Variants in MYO1B observed in about 807,000 individuals in gnomAD.
The protein encoded by MYO1B is unconventional myosin-Ib.
In MYO1B, 72 loss-of-function variants were observed where a neutral mutation model predicts 159.7. That is an observed-to-expected ratio of 0.45 (90% CI 0.37 to 0.55). MYO1B has a LOEUF of 0.55. Ranked by LOEUF, MYO1B falls within the 20% of genes least tolerant of loss-of-function variation. The pLI is 0.00. For synonymous variants in MYO1B, 468 were observed against 473.8 expected (o/e 0.99, Z 0.16); for missense variants, 1,062 against 1,364.8 (o/e 0.78, Z 3.50).
intron 2 of MYO1B, among the ~76,000 whole-genome samples, chr2:191,281,950 G>A (rs1253876207): frequency 6.6e-6 from 1 of 152,132 alleles, no homozygotes; most frequent in African/African-American, 2.4e-5. Context: ...GTTGTCTTAA[G>A]TTATAGAAGT....
At chr2:191,294,522 C>T (rs751639622) in intron 2 of MYO1B, among the ~76,000 whole-genome samples, 1 of 152,202 alleles carries the variant, frequency 6.6e-6, no homozygotes, top group Non-Finnish European at 1.5e-5. Flanking sequence ...AGGCGTCTCC[C>T]ATCTGATGTT....
chr2:191,416,434 G>A, intron 30 of MYO1B, 192 bp downstream of exon 30: 2 of 626,240 alleles, frequency 3.2e-6, no homozygotes, highest in Non-Finnish European at 2.8e-6. Flanking sequence ...CATCCTAGTG[G>A]AAGAGACCAG....
At chr2:191,408,271 T>G in intron 25 of MYO1B, 82 bp downstream of exon 25, 1 of 960,206 alleles carries the variant, frequency 1.0e-6, no homozygotes, top group Non-Finnish European at 1.6e-6. Context: ...AAATGTGCCT[T>G]TTCCTAAATG....
At chr2:191,287,661 A>G (rs1359630490) in intron 2 of MYO1B, among the ~76,000 whole-genome samples, 1 of 152,214 alleles carries the variant, frequency 6.6e-6, no homozygotes, top group African/African-American at 2.4e-5. Context: ...ACATTGAAGA[A>G]TTATTATTAT....
chr2:191,414,058 C>G lies in MYO1B; in HGVS notation c.2884C>G (p.Pro962Ala). Residue 962 changes from proline to alanine, a missense_variant, in exon 28 of 31, where the codon CCA becomes GCA. Pro to Ala is a conservative substitution (Grantham distance 27). This residue lies in a region of MYO1B where 609 missense variants were observed against 744.4 expected (regional missense o/e 0.82). Coordinates refer to ENST00000392318, the MANE Select transcript of MYO1B (RefSeq NM_001130158.3). The part of the protein sequence containing the change: ...KALYPSSVGQ[P>A]FQGAYLEINK... ...ATTTTTTTCCTTTAGTGTTGGGCAACCATTCCAAGGGGCTTACCTGGAAAT... is the reference window on the plus strand; with the variant it reads ...ATTTTTTTCCTTTAGTGTTGGGCAAGCATTCCAAGGGGCTTACCTGGAAAT... 1 of 1,602,168 alleles carries G rather than the reference C, an allele frequency of 6.2e-7. No individual in the cohort carries two copies. The highest frequency in any genetic ancestry group is 8.5e-7 in the Non-Finnish European group (1 of 1,175,698).
At chr2:191,258,531 G>A (rs999002484) in intron 1 of MYO1B, among the ~76,000 whole-genome samples, 4 of 152,134 alleles carry the variant, frequency 2.6e-5, no homozygotes, top group African/African-American at 7.2e-5. Flanking sequence ...GTCACTAGTC[G>A]ATAGGAATTT....
chr2:191,280,626 G>C (rs1688002894), intron 2 of MYO1B, among the ~76,000 whole-genome samples: 1 of 152,196 alleles, frequency 6.6e-6, no homozygotes, highest in Non-Finnish European at 1.5e-5. Context: ...GCCCGGAGAT[G>C]GCATGACCTG....
chr2:191,290,850 T>C (rs753916829), intron 2 of MYO1B, among the ~76,000 whole-genome samples: 19 of 152,168 alleles, frequency 1.2e-4, no homozygotes, highest in Non-Finnish European at 2.5e-4. Context: ...ACTAGTTCCA[T>C]AGGAGTATTT....
intron 4 of MYO1B, among the ~76,000 whole-genome samples, chr2:191,335,357 G>A (rs540745983): frequency 3.9e-5 from 6 of 152,158 alleles, no homozygotes; most frequent in East Asian, 1.9e-4. Flanking sequence ...TTTTATGACG[G>A]TTTTAATTGT....
At chr2:191,369,677 G>A (rs1428737545) in intron 12 of MYO1B, 49 bp downstream of exon 12, 2 of 1,365,848 alleles carry the variant, frequency 1.5e-6, no homozygotes, top group South Asian at 1.2e-5. Flanking sequence ...GGTATTCACA[G>A]TATAAACATT....
At chr2:191,268,109 G>T (rs1213221220) in intron 1 of MYO1B, among the ~76,000 whole-genome samples, 1 of 152,226 alleles carries the variant, frequency 6.6e-6, no homozygotes, top group Non-Finnish European at 1.5e-5. Flanking sequence ...GGGAAGGGAA[G>T]TATTTTGGCA....
rs558210828 is a variant in MYO1B at position 191,354,301 on chromosome 2, C to T, written c.562+4076C>T. On this transcript the variant is annotated intron_variant, in intron 7 of 30. Coordinates refer to ENST00000392318, the MANE Select transcript of MYO1B (RefSeq NM_001130158.3). Reference sequence around the variant, plus strand: ...ATAATAATAATAATAATAATAATGTCGAACACCTTATATATATTTGTTGAA... The same window carrying T: ...ATAATAATAATAATAATAATAATGTTGAACACCTTATATATATTTGTTGAA... Among the ~76,000 whole-genome samples, 39 of 143,988 alleles carry T rather than the reference C, an allele frequency of 2.7e-4. 1 individual carries two copies. The highest frequency in any genetic ancestry group is 3.8e-3 in the Middle Eastern group (1 of 266). The allele number at this position is 143,988 out of a possible 152,430, so 94.5% of individuals were successfully genotyped here.
intron 29 of MYO1B, 98 bp from the exon 30 acceptor site, chr2:191,416,017 G>T: frequency 1.5e-6 from 2 of 1,312,030 alleles, no homozygotes; most frequent in South Asian, 1.4e-5. Context: ...AGGATCTGAT[G>T]TTTTAAAGAG....
At chr2:191,400,258 A>G in intron 21 of MYO1B, 124 bp from the exon 22 acceptor site, 1 of 1,047,568 alleles carries the variant, frequency 9.5e-7, no homozygotes, top group Non-Finnish European at 1.5e-6. Context: ...CGCCTTCTTT[A>G]ACCTGTTGAT....
intron 1 of MYO1B, among the ~76,000 whole-genome samples, chr2:191,276,329 G>A (rs531181738): frequency 6.6e-6 from 1 of 152,138 alleles, no homozygotes; most frequent in Admixed American, 6.5e-5. Flanking sequence ...AGTAACCATA[G>A]CAAGTTTCAT....
intron 16 of MYO1B, 54 bp from the exon 17 acceptor site, chr2:191,387,170 T>G: frequency 6.6e-7 from 1 of 1,524,714 alleles, no homozygotes; most frequent in Non-Finnish European, 8.9e-7. Flanking sequence ...TAATAGTTGT[T>G]TGACATTATA....
chr2:191,387,890 T>C, intron 17 of MYO1B: 1 of 206,778 alleles, frequency 4.8e-6, no homozygotes, highest in Non-Finnish European at 9.8e-6. Flanking sequence ...TGGCACTTCT[T>C]AGGAGACATG....
intron 2 of MYO1B, among the ~76,000 whole-genome samples, chr2:191,295,650 G>A (rs1688939793): frequency 6.6e-6 from 1 of 152,128 alleles, no homozygotes; most frequent in Non-Finnish European, 1.5e-5. Flanking sequence ...AGTGCCAAAG[G>A]GAAGGCCCTA....
At position 191,424,133 on chromosome 2, in the gene MYO1B, T is replaced by C; in HGVS notation, c.*173T>C. ...TTATTATTGGAATAGTTTTAACCTT[T>C]CAAATACATGTTCTGTCCTGGAGCA... On this transcript the variant is annotated 3_prime_UTR_variant, in exon 31 of 31. Transcript: ENST00000392318. 1 of 729,374 alleles carries C rather than the reference T, an allele frequency of 1.4e-6. No homozygotes were observed. Among genetic ancestry groups the C allele is most frequent in the Non-Finnish European group, 2.2e-6 (1 of 447,072 alleles). The allele number at this position is 729,374 out of a possible 1,614,324, so 45.2% of individuals were successfully genotyped here.
Sources: gnomAD v4.1 joint callset for allele counts (sites outside exome capture counted in the v4.1 genomes callset) on GRCh38, gnomAD v4.1.1 for gene constraint, gnomAD v4.1.1 regional missense constraint, MANE v1.5 for transcripts, NCBI Gene and HGNC (gene_info 2026-07-23, HGNC 2026-07-21) for gene names.